CERS6: variants seen among roughly 807,000 people sequenced by gnomAD.
The protein encoded by CERS6 is LAG1 homolog, ceramide synthase 6.
In CERS6, 26 loss-of-function variants were observed where a neutral mutation model predicts 56.8. The ratio of observed to expected loss-of-function variants is 0.46; its 90% confidence interval spans 0.34 to 0.63. The LOEUF (loss-of-function observed/expected upper bound fraction) is 0.63. CERS6 is among the 30% of genes least tolerant of loss of function. The pLI is 0.01. For synonymous variants in CERS6, 164 were observed against 173.3 expected (o/e 0.95, Z 0.42); for missense variants, 415 against 467.5 (o/e 0.89, Z 1.04).
intron 1 of CERS6, among the ~76,000 whole-genome samples, chr2:168,458,451 C>G (rs1260409074): frequency 6.6e-6 from 1 of 152,214 alleles, no homozygotes; most frequent in Admixed American, 6.5e-5. Context: ...AAAAGATAAA[C>G]ACTAATGTGA....
At position 168,559,325 on chromosome 2, in the gene CERS6, C is replaced by T. The variant is rs370309718; in HGVS notation, c.277-1867C>T. ...GGGTGTGTGTCTGTTCTAGTCAGTTCTGACTGCTGTAACAGAATACTATCA... is the reference window on the plus strand; with the variant it reads ...GGGTGTGTGTCTGTTCTAGTCAGTTTTGACTGCTGTAACAGAATACTATCA... On this transcript the variant is annotated intron_variant, in intron 2 of 9. Transcript: ENST00000305747. Among the ~76,000 whole-genome samples, 8 of 152,234 alleles carry T rather than the reference C, an allele frequency of 5.3e-5. 1 individual carries two copies. Among genetic ancestry groups the T allele is most frequent in the African/African-American group, 1.7e-4 (7 of 41,538 alleles).
At chr2:168,639,387 A>T (rs1014116280) in intron 4 of CERS6, among the ~76,000 whole-genome samples, 3 of 152,314 alleles carry the variant, frequency 2.0e-5, no homozygotes, top group South Asian at 4.1e-4. Context: ...CATTAGCTGA[A>T]CCATCATCAG....
intron 2 of CERS6, among the ~76,000 whole-genome samples, chr2:168,554,794 G>T (rs1040560115): frequency 1.3e-5 from 2 of 152,150 alleles, no homozygotes; most frequent in African/African-American, 4.8e-5. Context: ...AGGTATACAG[G>T]CACGTATAAA....
chr2:168,746,709 C>A lies in CERS6; in HGVS notation c.846-18883C>A, dbSNP rs910113245. ...TTCAGCCCTGGCACTGAAGCAGCTT[C>A]CCCTCTTCTGCACCTGAGAGTTGAA... On this transcript the variant is annotated intron_variant, in intron 8 of 9. Coordinates refer to ENST00000305747, the MANE Select transcript of CERS6 (RefSeq NM_203463.3). Among the ~76,000 whole-genome samples, 4 of 146,574 alleles carry A rather than the reference C, an allele frequency of 2.7e-5. No individual in the cohort carries two copies. The South Asian group carries it at 8.7e-4, about 32-fold the overall frequency.
intron 1 of CERS6, among the ~76,000 whole-genome samples, chr2:168,518,446 G>T (rs573967308): frequency 6.6e-6 from 1 of 152,284 alleles, no homozygotes; most frequent in Non-Finnish European, 1.5e-5. Flanking sequence ...TGGGATTTCT[G>T]AATATTTCAT....
At chr2:168,723,773 C>G (rs1286072388) in intron 8 of CERS6, among the ~76,000 whole-genome samples, 1 of 152,188 alleles carries the variant, frequency 6.6e-6, no homozygotes, top group Non-Finnish European at 1.5e-5. Context: ...ATATGAAACT[C>G]TGAAATTGTA....
intron 1 of CERS6, among the ~76,000 whole-genome samples, chr2:168,534,718 A>G (rs571205849): frequency 5.8e-4 from 89 of 152,190 alleles, no homozygotes; most frequent in African/African-American, 2.0e-3. Flanking sequence ...TGGCATGGGG[A>G]ACAACAGGAC....
At chr2:168,724,946 G>C (rs946906378) in intron 8 of CERS6, among the ~76,000 whole-genome samples, 1 of 152,226 alleles carries the variant, frequency 6.6e-6, no homozygotes, top group Non-Finnish European at 1.5e-5. Flanking sequence ...CGTGGAGCAG[G>C]GGGTGGCACT....
intron 4 of CERS6, among the ~76,000 whole-genome samples, chr2:168,680,691 G>A (rs9678022): frequency 0.035 from 5,313 of 152,186 alleles, 131 homozygotes; most frequent in East Asian, 0.14. Flanking sequence ...ATGGGATTTA[G>A]GTCCTTATAA....
chr2:168,529,100 C>G (rs899737748), intron 1 of CERS6, among the ~76,000 whole-genome samples: 1 of 152,226 alleles, frequency 6.6e-6, no homozygotes, highest in African/African-American at 2.4e-5. Flanking sequence ...CATGTGCTGT[C>G]TCATTCAACT....
At chr2:168,591,372 A>G (rs1254422623) in intron 3 of CERS6, among the ~76,000 whole-genome samples, 1 of 152,244 alleles carries the variant, frequency 6.6e-6, no homozygotes, top group African/African-American at 2.4e-5. Context: ...GCTGCAGAAA[A>G]TGACTGACAG....
chr2:168,515,292 G>C (rs1694865364), intron 1 of CERS6, among the ~76,000 whole-genome samples: 1 of 151,968 alleles, frequency 6.6e-6, no homozygotes, highest in African/African-American at 2.4e-5. Context: ...AACATAACTG[G>C]ATTGCTCAAA....
intron 1 of CERS6, among the ~76,000 whole-genome samples, chr2:168,527,002 C>T (rs1695083554): frequency 6.6e-6 from 1 of 152,202 alleles, no homozygotes; most frequent in African/African-American, 2.4e-5. Flanking sequence ...TCCAAATCCA[C>T]CCTTCATATT....
intron 8 of CERS6, among the ~76,000 whole-genome samples, chr2:168,720,801 A>G (rs1687345620): frequency 7.2e-5 from 11 of 152,238 alleles, no homozygotes; most frequent in Admixed American, 7.2e-4. Flanking sequence ...TGAGTAAGAA[A>G]AAAAGAACAG....
At chr2:168,474,564 CA>C (rs1369574160) in intron 1 of CERS6, among the ~76,000 whole-genome samples, 3 of 152,124 alleles carry the variant, frequency 2.0e-5, no homozygotes, top group Non-Finnish European at 4.4e-5. Context: ...ACTATTTTAA[CA>C]TGATGACTTT....
At chr2:168,665,952 C>G (rs1248773018) in intron 4 of CERS6, among the ~76,000 whole-genome samples, 3 of 143,288 alleles carry the variant, frequency 2.1e-5, no homozygotes, top group African/African-American at 2.7e-5. Context: ...AATTAGTAGA[C>G]TGTGTGTGTG....
At chr2:168,666,413 T>A (rs1255739634) in intron 4 of CERS6, among the ~76,000 whole-genome samples, 1 of 152,226 alleles carries the variant, frequency 6.6e-6, no homozygotes, top group Non-Finnish European at 1.5e-5. Flanking sequence ...TCATACAATA[T>A]GTAGACTTTT....
intron 5 of CERS6, among the ~76,000 whole-genome samples, chr2:168,693,310 CAT>C (rs1277970379): frequency 6.6e-6 from 1 of 152,070 alleles, no homozygotes; most frequent in Non-Finnish European, 1.5e-5. Context: ...AAGAAATTAA[CAT>C]GTGAGTGAGC....
rs146974634 is a variant in CERS6 at position 168,559,276 on chromosome 2, C to T, written c.277-1916C>T. ...GCACAAGGTCAGTACATTTTGTACC[C>T]TACAGTGATTTGCTGTGTTTTCTGG... On this transcript the variant is annotated intron_variant, in intron 2 of 9. Transcript: ENST00000305747. Among the ~76,000 whole-genome samples, 727 of 152,174 alleles carry T rather than the reference C, an allele frequency of 4.8e-3. 6 individuals are homozygous for T. Among genetic ancestry groups the T allele is most frequent in the African/African-American group, 0.016 (663 of 41,532 alleles).
Sources: allele counts gnomAD v4.1 joint callset (sites outside exome capture counted in the v4.1 genomes callset), GRCh38; gene constraint gnomAD v4.1.1; transcripts MANE v1.5; gene names NCBI Gene and HGNC (gene_info 2026-07-23, HGNC 2026-07-21).